The following ZSWIM6 variants were observed in gnomAD, a reference collection of about 807,000 sequenced individuals.
ZSWIM6 encodes the protein zinc finger SWIM-type containing 6, also known as zinc finger SWIM domain-containing protein 6.
Under a neutral mutation model 113.2 loss-of-function variants are expected in ZSWIM6, and 9 were observed. The ratio of observed to expected loss-of-function variants is 0.08; its 90% CI spans 0.05 to 0.14. The LOEUF (loss-of-function observed/expected upper bound fraction) is 0.14. Among genes scored for constraint, ZSWIM6 ranks in the 10% least tolerant of loss-of-function variants. The pLI is 1.00. For missense variants in ZSWIM6, 1,162 were observed against 1,552.2 expected (o/e 0.75, Z 4.22); for synonymous variants, 611 against 606.5 (o/e 1.01, Z -0.11).
intron 1 of ZSWIM6, among the ~76,000 whole-genome samples, chr5:61,372,161 C>A (rs1745279738): frequency 6.6e-6 from 1 of 151,944 alleles, no homozygotes; most frequent in African/African-American, 2.4e-5. Context: ...AAGAAATAAT[C>A]ATTCGTTTCC....
chr5:61,483,230 C>T (rs1246233426), intron 2 of ZSWIM6, among the ~76,000 whole-genome samples: 2 of 152,116 alleles, frequency 1.3e-5, no homozygotes, highest in Non-Finnish European at 2.9e-5. Context: ...TTAGGTATCT[C>T]TTCCTCTTCT....
At chr5:61,539,841 T>A (rs1749683221) in intron 12 of ZSWIM6, 82 bp downstream of exon 12, 1 of 1,346,334 alleles carries the variant, frequency 7.4e-7, no homozygotes, top group Non-Finnish European at 1.0e-6. Context: ...TTTGATTGGA[T>A]TTTTGAGTGC....
intron 1 of ZSWIM6, among the ~76,000 whole-genome samples, chr5:61,392,297 C>T (rs1353174318): frequency 1.3e-5 from 2 of 152,142 alleles, no homozygotes; most frequent in African/African-American, 4.8e-5. Flanking sequence ...ATCTATATAC[C>T]TTTTTCTCCT....
At chr5:61,372,729 C>T (rs6892401) in intron 1 of ZSWIM6, among the ~76,000 whole-genome samples, 194 of 152,292 alleles carry the variant, frequency 1.3e-3, no homozygotes, top group African/African-American at 4.2e-3. Context: ...TACACTTGTG[C>T]CTCAGACTTA....
Position 61,332,357 on chromosome 5 carries a change from G to GCA in ZSWIM6, c.85_86insCA (p.Gly29AlafsTer82). ...CGGCGGCGGCGGCGGGGGCAGCAGCGGCGGCGGCGGCGGCGCGGGTGGCGG... is the reference window on the plus strand; with the variant it reads ...CGGCGGCGGCGGCGGGGGCAGCAGCGCAGCGGCGGCGGCGGCGCGGGTGGCGG... On this transcript the variant is annotated frameshift_variant, in exon 1 of 14. Coordinates refer to ENST00000252744, the MANE Select transcript of ZSWIM6 (RefSeq NM_020928.2). LOFTEE classifies it high-confidence loss of function. The GCA allele has an allele frequency of 1.1e-6, 1 of 937,056 alleles. No homozygotes were observed. The highest frequency in any genetic ancestry group is 1.3e-6 in the Non-Finnish European group (1 of 779,072). 58.0% of individuals were successfully genotyped at this position (937,056 alleles called of 1,614,324 possible). A position where few individuals can be genotyped will look rare whatever the true frequency, so the allele number is the denominator to read the frequency against.
At chr5:61,434,385 G>T (rs929133747) in intron 1 of ZSWIM6, among the ~76,000 whole-genome samples, 2 of 151,730 alleles carry the variant, frequency 1.3e-5, no homozygotes, top group Non-Finnish European at 2.9e-5. Flanking sequence ...AGATTTTGGT[G>T]TATCTGTCAC....
intron 1 of ZSWIM6, chr5:61,375,209 A>G: frequency 1.2e-6 from 2 of 1,613,332 alleles, no homozygotes; most frequent in Non-Finnish European, 1.7e-6. Flanking sequence ...ATACAGGATT[A>G]TCTGAATCGA....
intron 1 of ZSWIM6, among the ~76,000 whole-genome samples, chr5:61,466,038 G>T (rs1018998283): frequency 3.3e-5 from 5 of 152,112 alleles, no homozygotes; most frequent in Admixed American, 2.0e-4. Flanking sequence ...AGTTGAAAAG[G>T]AATATGATAT....
chr5:61,436,662 G>A (rs1746714540), intron 1 of ZSWIM6, among the ~76,000 whole-genome samples: 1 of 152,176 alleles, frequency 6.6e-6, no homozygotes, highest in Non-Finnish European at 1.5e-5. Flanking sequence ...AATGTGCTGG[G>A]GCAAATGGAT....
intron 1 of ZSWIM6, among the ~76,000 whole-genome samples, chr5:61,465,690 C>T (rs971210243): frequency 1.6e-4 from 24 of 152,014 alleles, no homozygotes; most frequent in Non-Finnish European, 2.1e-4. Flanking sequence ...ATGCATGCTC[C>T]GTAAATTTTT....
chr5:61,468,523 T>C (rs1314616028), intron 1 of ZSWIM6, among the ~76,000 whole-genome samples: 1 of 152,260 alleles, frequency 6.6e-6, no homozygotes, highest in Non-Finnish European at 1.5e-5. Context: ...AATTCTGTTA[T>C]ATAGAACAGC....
At chr5:61,420,605 G>T (rs971308758) in intron 1 of ZSWIM6, among the ~76,000 whole-genome samples, 2 of 152,124 alleles carry the variant, frequency 1.3e-5, no homozygotes, top group African/African-American at 4.8e-5. Flanking sequence ...GGTAGAGAGT[G>T]TGTAGGGAGG....
chr5:61,494,488 C>T (rs1479480389), intron 4 of ZSWIM6, 78 bp downstream of exon 4: 11 of 1,506,796 alleles, frequency 7.3e-6, no homozygotes, highest in Admixed American at 4.0e-5. Context: ...AGAACATGGT[C>T]GTAGTATTGC....
chr5:61,497,435 C>T (rs1431004948), intron 4 of ZSWIM6, among the ~76,000 whole-genome samples: 1 of 152,148 alleles, frequency 6.6e-6, no homozygotes, highest in Non-Finnish European at 1.5e-5. Flanking sequence ...AATTTCTTCC[C>T]CCCATGCTCC....
chr5:61,439,460 G>A (rs1398313703), intron 1 of ZSWIM6, among the ~76,000 whole-genome samples: 1 of 152,124 alleles, frequency 6.6e-6, no homozygotes, highest in Non-Finnish European at 1.5e-5. Flanking sequence ...TTTTTAAATT[G>A]TGAAATATAA....
intron 1 of ZSWIM6, among the ~76,000 whole-genome samples, chr5:61,415,491 C>T (rs553799180): frequency 6.6e-6 from 1 of 151,816 alleles, no homozygotes; most frequent in South Asian, 2.1e-4. Context: ...ACTCGGGAGG[C>T]TGAGGCAGGA....
chr5:61,344,842 A>G (rs978437150), intron 1 of ZSWIM6, among the ~76,000 whole-genome samples: 2 of 152,222 alleles, frequency 1.3e-5, no homozygotes, highest in African/African-American at 4.8e-5. Context: ...ATATCAAACA[A>G]AACTAAATTT....
intron 1 of ZSWIM6, among the ~76,000 whole-genome samples, chr5:61,346,099 C>T (rs1472483689): frequency 6.6e-6 from 1 of 151,824 alleles, no homozygotes; most frequent in Non-Finnish European, 1.5e-5. Flanking sequence ...CGCCCATCAC[C>T]ACGCCCAGCT....
At chr5:61,418,974 G>T (rs571106765) in intron 1 of ZSWIM6, among the ~76,000 whole-genome samples, 1 of 152,076 alleles carries the variant, frequency 6.6e-6, no homozygotes, top group Admixed American at 6.5e-5. Context: ...GGTGTGCGCC[G>T]CCATGCCTGG....
Sources: gnomAD v4.1 joint callset for allele counts (sites outside exome capture counted in the v4.1 genomes callset) on GRCh38, gnomAD v4.1.1 for gene constraint, MANE v1.5 for transcripts, NCBI Gene and HGNC (gene_info 2026-07-23, HGNC 2026-07-21) for gene names.